The following ZNF618 variants were observed in gnomAD, a reference collection of about 807,000 sequenced individuals.
The protein encoded by ZNF618 is neural precursor cell expressed, developmentally down-regulated 10.
Under a neutral mutation model 103.0 loss-of-function variants are expected in ZNF618, and 34 were observed. That is an observed-to-expected ratio of 0.33 (90% CI 0.25 to 0.44). The LOEUF is 0.44. Among genes scored for constraint, ZNF618 ranks in the 20% least tolerant of loss-of-function variants. The pLI, the probability that ZNF618 is intolerant of heterozygous loss-of-function variation, is 1.00. For synonymous variants in ZNF618, 551 were observed against 542.2 expected (o/e 1.02, Z -0.23); for missense variants, 1,059 against 1,295.4 (o/e 0.82, Z 2.80).
In ZNF618 at chr9:114,049,193, A is replaced by T. The variant is rs750863974; in HGVS notation, c.1891A>T (p.Met631Leu). 1.2e-6 allele frequency: 2 copies of T among 1,613,708 alleles called. No individual in the cohort carries two copies. The highest frequency in any genetic ancestry group is 3.3e-5 in the Admixed American group (2 of 60,028). Residue 631 changes from methionine to leucine, a missense_variant, in exon 15 of 15, where the codon ATG (methionine) becomes TTG (leucine). Physicochemically the swap from Met to Leu is conservative, Grantham distance 15. This residue lies in a region of ZNF618 where 272 missense variants were observed against 380.1 expected (regional missense o/e 0.72). Transcript: ENST00000374126. Reference sequence around the variant, plus strand: ...CACGTCCGCCTTCTCCAAGGCCGGCATGTGCCTTCGCTGCTCAGCCTGTGC... The same window carrying T: ...CACGTCCGCCTTCTCCAAGGCCGGCTTGTGCCTTCGCTGCTCAGCCTGTGC... ...VSTSAFSKAG[M>L]CLRCSACALN...
intron 13 of ZNF618, among the ~76,000 whole-genome samples, chr9:114,046,531 C>T (rs753046164): frequency 6.6e-6 from 1 of 152,166 alleles, no homozygotes; most frequent in Non-Finnish European, 1.5e-5. Context: ...CCTAACAACA[C>T]ATTTCTCAGA....
rs1846203462 is a variant in ZNF618, at chr9:114,052,585, C to G, written c.*2418C>G. On this transcript the variant is annotated 3_prime_UTR_variant, in exon 15 of 15. Coordinates refer to ENST00000374126, the MANE Select transcript of ZNF618 (RefSeq NM_001318042.2). ...CAGCATCACTGATGATTGACAGATG[C>G]TACAGCAAAAGGTCCCTCTAGCGTT... 1 of 152,198 alleles carries G rather than the reference C, an allele frequency of 6.6e-6. No homozygotes were observed. Among genetic ancestry groups the G allele is most frequent in the African/African-American group, 2.4e-5 (1 of 41,448 alleles). 9.4% of individuals were successfully genotyped at this position (152,198 alleles called of 1,614,324 possible).
At chr9:114,026,924 G>A (rs770921038) in intron 10 of ZNF618, among the ~76,000 whole-genome samples, 15 of 152,200 alleles carry the variant, frequency 9.9e-5, no homozygotes, top group Non-Finnish European at 2.1e-4. Context: ...TGTGGAGGCC[G>A]AGGGTTACAG....
At position 114,054,460 on chromosome 9, in the gene ZNF618, A is replaced by G. The variant is rs1187132645; in HGVS notation, c.*4293A>G. 2.0e-5 allele frequency: 3 copies of G among 152,268 alleles called. No individual in the cohort carries two copies. Among genetic ancestry groups the G allele is most frequent in the Non-Finnish European group, 2.9e-5 (2 of 68,072 alleles). The allele number at this position is 152,268 out of a possible 1,614,324, so 9.4% of individuals were successfully genotyped here. A position where few individuals can be genotyped will look rare whatever the true frequency, so the allele number is the denominator to read the frequency against. On this transcript the variant is annotated 3_prime_UTR_variant, in exon 15 of 15. Transcript: ENST00000374126. ...CCTTGGCAACAGCGGCAATGCCTCT[A>G]TCTCTGGGATGCATCTTAAGGAGGG...
At chr9:114,044,335 G>A (rs1468639905) in intron 13 of ZNF618, among the ~76,000 whole-genome samples, 1 of 151,966 alleles carries the variant, frequency 6.6e-6, no homozygotes, top group Admixed American at 6.6e-5. Flanking sequence ...TGTTTGCTTT[G>A]TTGAAGATCA....
intron 6 of ZNF618, 151 bp from the exon 7 acceptor site, chr9:114,007,199 T>A (rs1239684644): frequency 7.5e-6 from 5 of 666,470 alleles, no homozygotes; most frequent in Non-Finnish European, 1.3e-5. Context: ...ATCCTCAGTT[T>A]CCTCATGTGT....
rs1336245088 is a variant in ZNF618 at position 114,002,612 on chromosome 9, C to T, written c.512-12C>T. 1 of 1,609,798 alleles carries T rather than the reference C, an allele frequency of 6.2e-7. No individual in the cohort carries two copies. The highest frequency in any genetic ancestry group is 1.3e-5 in the African/African-American group (1 of 74,906). On this transcript the variant is annotated splice_polypyrimidine_tract_variant and intron_variant, in intron 5 of 14. Coordinates refer to ENST00000374126, the MANE Select transcript of ZNF618 (RefSeq NM_001318042.2). Reference sequence around the variant, plus strand: ...TAGCCCCACCCCCATCCCTCTCTCTCTCTCTTTGCAGACACCGAAGCCACC... The same window carrying T: ...TAGCCCCACCCCCATCCCTCTCTCTTTCTCTTTGCAGACACCGAAGCCACC...
chr9:114,046,779 C>T (rs1452243317), intron 13 of ZNF618, among the ~76,000 whole-genome samples: 3 of 152,158 alleles, frequency 2.0e-5, no homozygotes, highest in East Asian at 3.9e-4. Flanking sequence ...ATGCTTTTTC[C>T]GCATCTATTG....
At chr9:113,905,715 C>G (rs1368483024) in intron 1 of ZNF618, among the ~76,000 whole-genome samples, 1 of 152,210 alleles carries the variant, frequency 6.6e-6, no homozygotes, top group Non-Finnish European at 1.5e-5. Context: ...ATGCGCTGAT[C>G]AGCACTTGGG....
rs1484952121 is a variant in ZNF618, at chr9:114,049,957, T to G, written c.2655T>G (p.Ala885=). Residue 885 remains alanine (A), a synonymous_variant, in exon 15 of 15, where the codon GCT becomes GCG. Coordinates refer to ENST00000374126, the MANE Select transcript of ZNF618 (RefSeq NM_001318042.2). ...ACCTGCAGGAGCCCCTCTTCCAGGC[T>G]ACCCCTGATCTCTTCCAGTACTGGT... The part of the protein sequence containing the change: ...YDYLQEPLFQ[A]TPDLFQYWSC... The G allele has an allele frequency of 2.5e-6, 4 of 1,613,968 alleles. No individual in the cohort carries two copies. Among genetic ancestry groups the G allele is most frequent in the Non-Finnish European group, 2.5e-6 (3 of 1,179,898 alleles).
Position 114,010,032 on chromosome 9 carries a change from G to A in ZNF618, c.754+1478G>A, listed in dbSNP as rs370332779. ...CATCTTAAAGATGAAGAATATGGCC[G>A]GGCACGGTGGCTCACACCTGTAATC... On this transcript the variant is annotated intron_variant, in intron 9 of 14. Transcript: ENST00000374126. Among the ~76,000 whole-genome samples, 10 of 152,160 alleles carry A rather than the reference G, an allele frequency of 6.6e-5. No homozygotes were observed. The East Asian group carries it at 1.2e-3, about 18-fold the overall frequency.
Position 114,052,263 on chromosome 9 carries a change from T to A in ZNF618, c.*2096T>A, listed in dbSNP as rs1179958012. On this transcript the variant is annotated 3_prime_UTR_variant, in exon 15 of 15. Coordinates refer to ENST00000374126, the MANE Select transcript of ZNF618 (RefSeq NM_001318042.2). ...ACTCACCCAGCTCTCCCCTTGAAAC[T>A]TGGACACACTGAAATGGATCAAAGT... 6.6e-6 allele frequency: 1 copy of A among 152,640 alleles called. No individual in the cohort carries two copies. The highest frequency in any genetic ancestry group is 2.4e-5 in the African/African-American group (1 of 41,432). 9.5% of individuals were successfully genotyped at this position (152,640 alleles called of 1,614,324 possible). A position where few individuals can be genotyped will look rare whatever the true frequency, so the allele number is the denominator to read the frequency against.
chr9:113,942,903 C>T (rs1158075797), intron 1 of ZNF618, among the ~76,000 whole-genome samples: 1 of 152,164 alleles, frequency 6.6e-6, no homozygotes, highest in Non-Finnish European at 1.5e-5. Context: ...TTCAGAGTCA[C>T]CCCCAAACTC....
intron 12 of ZNF618, 121 bp from the exon 13 acceptor site, chr9:114,036,179 A>G: frequency 1.2e-6 from 1 of 839,916 alleles, no homozygotes; most frequent in Non-Finnish European, 1.9e-6. Context: ...CTGGGCCCGG[A>G]GCCCTGAGCA....
At chr9:114,037,035 C>T (rs1249371806) in intron 13 of ZNF618, among the ~76,000 whole-genome samples, 3 of 152,226 alleles carry the variant, frequency 2.0e-5, no homozygotes, top group Non-Finnish European at 2.9e-5. Flanking sequence ...AGAACCACTG[C>T]TCTAGAGCTA....
At chr9:113,932,358 A>G (rs1833666772) in intron 1 of ZNF618, among the ~76,000 whole-genome samples, 1 of 152,176 alleles carries the variant, frequency 6.6e-6, no homozygotes, top group African/African-American at 2.4e-5. Context: ...AGGCAGGGGT[A>G]GCCAGGTCAC....
intron 9 of ZNF618, among the ~76,000 whole-genome samples, chr9:114,015,348 CAAAA>C (rs1425854961): frequency 2.0e-5 from 3 of 151,924 alleles, no homozygotes; most frequent in African/African-American, 7.3e-5. Context: ...AGGAAAGTCA[CAAAA>C]GAAAAACAAT....
In ZNF618 at chr9:114,036,290, C is replaced by A. The variant is rs199525514; in HGVS notation, c.1169-10C>A. On this transcript the variant is annotated splice_polypyrimidine_tract_variant and intron_variant, in intron 12 of 14. Coordinates refer to ENST00000374126, the MANE Select transcript of ZNF618 (RefSeq NM_001318042.2). Reference sequence around the variant, plus strand: ...CACCCCTCACGTGGCTGCCGCATTTCTCCCTCCAGAACCCTACACCTGCGG... The same window carrying A: ...CACCCCTCACGTGGCTGCCGCATTTATCCCTCCAGAACCCTACACCTGCGG... The A allele has an allele frequency of 1.7e-4, 271 of 1,564,364 alleles. No individual in the cohort carries two copies. The highest frequency in any genetic ancestry group is 8.3e-4 in the Middle Eastern group (5 of 6,004).
chr9:113,906,350 G>A (rs1830987835), intron 1 of ZNF618, among the ~76,000 whole-genome samples: 1 of 152,110 alleles, frequency 6.6e-6, no homozygotes, highest in Non-Finnish European at 1.5e-5. Flanking sequence ...CTGAAGAAAG[G>A]GCTTCTCCTG....
Sources: allele counts gnomAD v4.1 joint callset (sites outside exome capture counted in the v4.1 genomes callset), GRCh38; gene constraint gnomAD v4.1.1; regional missense constraint gnomAD v4.1.1; transcripts MANE v1.5; gene names NCBI Gene and HGNC (gene_info 2026-07-23, HGNC 2026-07-21).